The following PGPEP1L variants were observed in gnomAD, a reference collection of about 807,000 sequenced individuals.
The protein encoded by PGPEP1L is pyroglutamyl-peptidase I like, also known as pyroglutamyl-peptidase 1-like protein.
Under a neutral mutation model 6.0 loss-of-function variants are expected in PGPEP1L, and 7 were observed. The observed-to-expected ratio is 1.17, with a 90% CI of 0.66 to 2.19. PGPEP1L has a LOEUF of 2.19. Ranked by LOEUF, PGPEP1L falls within the 30% of genes most tolerant of loss-of-function variation. The pLI, the probability that PGPEP1L is intolerant of heterozygous loss-of-function variation, is 0.00. For synonymous variants in PGPEP1L, 103 were observed against 83.9 expected (o/e 1.23, Z -1.24); for missense variants, 209 against 192.5 (o/e 1.09, Z -0.51).
chr15:99,000,784 A>G (rs1190946723), intron 2 of PGPEP1L, among the ~76,000 whole-genome samples: 1 of 152,114 alleles, frequency 6.6e-6, no homozygotes, highest in Non-Finnish European at 1.5e-5. Flanking sequence ...AATCAGCAGG[A>G]TGTGGGTGGG....
At chr15:98,990,741 A>G (rs551584328) in intron 2 of PGPEP1L, among the ~76,000 whole-genome samples, 62 of 152,372 alleles carry the variant, frequency 4.1e-4, no homozygotes, top group Non-Finnish European at 7.5e-4. Context: ...AATGCAAAAG[A>G]ATGGAAATCA....
intron 1 of PGPEP1L, among the ~76,000 whole-genome samples, chr15:99,007,015 T>G (rs2018079922): frequency 6.6e-6 from 1 of 152,148 alleles, no homozygotes. Flanking sequence ...ATTGTCCTCC[T>G]GATATAAAGC....
chr15:98,977,271 C>G (rs1477603938), intron 2 of PGPEP1L, among the ~76,000 whole-genome samples: 1 of 152,054 alleles, frequency 6.6e-6, no homozygotes, highest in African/African-American at 2.4e-5. Flanking sequence ...TACCTTTCTT[C>G]TGCTTAGTTT....
At position 98,985,517 on chromosome 15, in the gene PGPEP1L, A is replaced by G. The variant is rs1305934288; in HGVS notation, c.-141-14359T>C. On this transcript the variant is annotated intron_variant, in intron 2 of 4. Transcript: ENST00000535714. ...GGTGCCACTGCACTCCAGCCTGGGC[A>G]ACAGAACAAGACTCCATCTCAAAAC... is the stretch of plus-strand genomic sequence containing the variant. Among the ~76,000 whole-genome samples the G allele has an allele frequency of 3.3e-5, 5 of 152,308 alleles. No homozygotes were observed. In the East Asian group the frequency reaches 7.7e-4, roughly 24 times the overall value.
At chr15:98,975,810 G>A (rs527888357) in intron 2 of PGPEP1L, among the ~76,000 whole-genome samples, 1 of 152,298 alleles carries the variant, frequency 6.6e-6, no homozygotes, top group African/African-American at 2.4e-5. Context: ...TAACCCAGGA[G>A]GCGGAGGTTG....
At chr15:98,994,071 T>C (rs1555472306) in intron 2 of PGPEP1L, among the ~76,000 whole-genome samples, 1 of 150,798 alleles carries the variant, frequency 6.6e-6, no homozygotes, top group Non-Finnish European at 1.5e-5. Context: ...ATCGAGACCA[T>C]CCTGGCCAAC....
At chr15:98,969,675 G>A (rs762323598) in intron 3 of PGPEP1L, 24 bp from the exon 4 acceptor site, 1 of 1,602,794 alleles carries the variant, frequency 6.2e-7, no homozygotes. Context: ...TAACAGCAGA[G>A]AGAACCCAGG....
Position 98,978,044 on chromosome 15 carries a change from G to A in PGPEP1L, c.-141-6886C>T, listed in dbSNP as rs147040461. Among the ~76,000 whole-genome samples the A allele has an allele frequency of 5.6e-3, 859 of 152,316 alleles. 10 individuals are homozygous for A. The highest frequency in any genetic ancestry group is 0.02 in the African/African-American group (828 of 41,566). On this transcript the variant is annotated intron_variant, in intron 2 of 4. Coordinates refer to ENST00000535714, the MANE Select transcript of PGPEP1L (RefSeq NM_001167902.2). The stretch of plus-strand genomic sequence containing the variant: ...AATAGGGTGAGCCCAGCAGGCTGTT[G>A]GCTGAGGGCTGCTGCCCAAAAGGCA...
chr15:99,004,742 C>G (rs372640876), intron 2 of PGPEP1L, among the ~76,000 whole-genome samples: 44 of 151,902 alleles, frequency 2.9e-4, no homozygotes, highest in East Asian at 5.8e-4. Context: ...AAAATAAAGA[C>G]CTTTGTGAAG....
intron 2 of PGPEP1L, among the ~76,000 whole-genome samples, 163 bp downstream of exon 2, chr15:99,005,266 C>A (rs1395983799): frequency 3.9e-5 from 6 of 152,240 alleles, no homozygotes; most frequent in African/African-American, 1.2e-4. Context: ...ATTAATAGGG[C>A]ACAGCAGCAA....
chr15:99,006,228 G>C (rs1250776288), intron 1 of PGPEP1L, among the ~76,000 whole-genome samples: 1 of 152,334 alleles, frequency 6.6e-6, no homozygotes, highest in Non-Finnish European at 1.5e-5. Context: ...CCCAGGCACT[G>C]TCCCCAGCTT....
At chr15:98,974,619 G>A (rs540227219) in intron 2 of PGPEP1L, among the ~76,000 whole-genome samples, 35 of 152,186 alleles carry the variant, frequency 2.3e-4, no homozygotes, top group South Asian at 8.3e-4. Context: ...ATGAGGGGCC[G>A]GGCGCGGTGG....
intron 3 of PGPEP1L, 100 bp downstream of exon 3, chr15:98,970,936 T>G (rs1596509702): frequency 6.6e-7 from 1 of 1,517,592 alleles, no homozygotes; most frequent in Non-Finnish European, 8.9e-7. Flanking sequence ...GGGGACGGGG[T>G]GCCCCTCAAC....
Position 99,007,629 on chromosome 15 carries a change from C to T in PGPEP1L, c.-640G>A, listed in dbSNP as rs1197317397. The T allele has an allele frequency of 1.3e-5, 2 of 151,936 alleles. No homozygotes were observed. Among genetic ancestry groups the T allele is most frequent in the African/African-American group, 2.4e-5 (1 of 41,376 alleles). 9.4% of individuals were successfully genotyped at this position (151,936 alleles called of 1,614,324 possible). On this transcript the variant is annotated 5_prime_UTR_variant, in exon 1 of 5. Transcript: ENST00000535714. Reference sequence around the variant, plus strand: ...GAGTTATTCGTTTCTCCCGGTGGGTCCGTGATGTGGCTGGCTTTAAGAACG... The same window carrying T: ...GAGTTATTCGTTTCTCCCGGTGGGTTCGTGATGTGGCTGGCTTTAAGAACG...
At chr15:98,978,076 G>T (rs1706031344) in intron 2 of PGPEP1L, among the ~76,000 whole-genome samples, 1 of 152,212 alleles carries the variant, frequency 6.6e-6, no homozygotes, top group African/African-American at 2.4e-5. Flanking sequence ...GGCATCTTGT[G>T]GCTCCCCAAC....
intron 3 of PGPEP1L, among the ~76,000 whole-genome samples, chr15:98,970,110 A>G (rs1365435321): frequency 1.3e-5 from 2 of 152,158 alleles, no homozygotes; most frequent in Admixed American, 1.3e-4. Flanking sequence ...GTGCAATGGC[A>G]CCATCTCAGC....
rs372931831 is a variant in PGPEP1L at position 98,969,567 on chromosome 15, C to T, written c.67G>A (p.Asp23Asn). The T allele has an allele frequency of 4.3e-6, 7 of 1,613,904 alleles. No individual in the cohort carries two copies. Among genetic ancestry groups the T allele is most frequent in the Admixed American group, 3.3e-5 (2 of 60,026 alleles). ...SGKNQGYRDA[D>N]IRSFWPEGGV... ...CCCTCGGGCCAGAAGCTGCGGATGTCGGCGTCCCGGTAGCCTTGGTTCTTG... is the reference window on the plus strand; with the variant it reads ...CCCTCGGGCCAGAAGCTGCGGATGTTGGCGTCCCGGTAGCCTTGGTTCTTG... Residue 23 changes from aspartate to asparagine, a missense_variant, in exon 4 of 5, where the codon GAC (aspartate) becomes AAC (asparagine). Physicochemically the swap from Asp to Asn is conservative, Grantham distance 23. Coordinates refer to ENST00000535714, the MANE Select transcript of PGPEP1L (RefSeq NM_001167902.2).
At position 98,971,079 on chromosome 15, in the gene PGPEP1L, G is replaced by A; in HGVS notation, c.-62C>T. On this transcript the variant is annotated 5_prime_UTR_variant, in exon 3 of 5. Transcript: ENST00000535714. The stretch of plus-strand genomic sequence containing the variant: ...CCAGATTCCGGTGACCCTCCGCTTA[G>A]CCTCCCTGTAATCTACAGGCAGCTC... The A allele has an allele frequency of 6.2e-7, 1 of 1,613,594 alleles. No homozygotes were observed. Among genetic ancestry groups the A allele is most frequent in the South Asian group, 1.1e-5 (1 of 91,066 alleles).
In PGPEP1L at chr15:99,006,001, C is replaced by T. The variant is rs113394430; in HGVS notation, c.-369-345G>A. 8.3e-4 allele frequency among the ~76,000 whole-genome samples: 126 copies of T among 152,240 alleles called. 2 individuals are homozygous for T. The highest frequency in any genetic ancestry group is 2.7e-3 in the African/African-American group (114 of 41,530). On this transcript the variant is annotated intron_variant, in intron 1 of 4. Transcript: ENST00000535714. Reference sequence around the variant, plus strand: ...ATTATGATTTGGTAAAATTTGATTGCTCTGAAAACTAATTCCACAAAATAT... The same window carrying T: ...ATTATGATTTGGTAAAATTTGATTGTTCTGAAAACTAATTCCACAAAATAT...
Sources: allele counts gnomAD v4.1 joint callset (sites outside exome capture counted in the v4.1 genomes callset), GRCh38; gene constraint gnomAD v4.1.1; transcripts MANE v1.5; gene names NCBI Gene and HGNC (gene_info 2026-07-23, HGNC 2026-07-21).